SLC6A15: variants seen among roughly 807,000 people sequenced by gnomAD.
SLC6A15 encodes solute carrier family 6 member 15.
A neutral mutation model predicts 68.5 loss-of-function variants in SLC6A15; 33 were observed. The ratio of observed to expected loss-of-function variants is 0.48; its 90% confidence interval spans 0.37 to 0.64. SLC6A15 has a LOEUF of 0.64. SLC6A15 is among the 30% of genes least tolerant of loss of function. The pLI is 0.00. For synonymous variants in SLC6A15, 347 were observed against 301.0 expected (o/e 1.15, Z -1.58); for missense variants, 747 against 874.3 (o/e 0.85, Z 1.84).
At chr12:84,890,331 G>A (rs1301714615) in intron 2 of SLC6A15, among the ~76,000 whole-genome samples, 1 of 152,046 alleles carries the variant, frequency 6.6e-6, no homozygotes, top group Non-Finnish European at 1.5e-5. Flanking sequence ...GTACTAAATG[G>A]AAGTCAACCT....
At chr12:84,868,924 T>C (rs1871172371) in intron 9 of SLC6A15, among the ~76,000 whole-genome samples, 1 of 152,154 alleles carries the variant, frequency 6.6e-6, no homozygotes. Flanking sequence ...TCAGGCAGGA[T>C]ATGGATTTTC....
intron 5 of SLC6A15, chr12:84,882,395 G>C (rs1565726087): frequency 1.0e-6 from 1 of 973,988 alleles, no homozygotes; most frequent in East Asian, 1.1e-4. Context: ...AAGATATTTA[G>C]ATGTGTTAAC....
rs534377256 is a variant in SLC6A15, at chr12:84,889,497, A to AAAAAAT, written c.289+2329_289+2334dup. Among the ~76,000 whole-genome samples the AAAAAAT allele has an allele frequency of 6.7e-3, 982 of 146,944 alleles. 12 individuals are homozygous for AAAAAAT. The highest frequency in any genetic ancestry group is 0.045 in the East Asian group (228 of 5,062). On this transcript the variant is annotated intron_variant, in intron 2 of 11. Transcript: ENST00000266682. ...CAAAAGAGCAAGACTCGGTCTCAGA[A>AAAAAAT]AAAAATAAAAATAAAAATAAAAATA...
At chr12:84,867,465 C>T (rs1346011170) in intron 9 of SLC6A15, 2 of 212,158 alleles carry the variant, frequency 9.4e-6, no homozygotes. Context: ...ATAAATGAGT[C>T]AAAGTTTAGA....
rs1437933218 is a variant in SLC6A15 at position 84,912,510 on chromosome 12, C to G, written c.-189+13G>C. The G allele has an allele frequency of 6.6e-6, 1 of 152,464 alleles. No individual in the cohort carries two copies. Among genetic ancestry groups the G allele is most frequent in the African/African-American group, 2.4e-5 (1 of 41,450 alleles). 9.4% of individuals were successfully genotyped at this position (152,464 alleles called of 1,614,324 possible). ...CCCCCAGTTGTGCCCTTAGCGTAGG[C>G]GCTTGCCATTACCGTCAGTGTGTCT... is the stretch of plus-strand genomic sequence containing the variant. On this transcript the variant is annotated intron_variant, in intron 1 of 11. Coordinates refer to ENST00000266682, the MANE Select transcript of SLC6A15 (RefSeq NM_182767.6).
In SLC6A15 at chr12:84,860,792, A is replaced by G. The variant is rs1009920981; in HGVS notation, c.*840T>C. ...AAATGCCATCTTGCTTCAAGTTTTC[A>G]AATTAGTACTTTAAGTACTTAAATG... is the stretch of plus-strand genomic sequence containing the variant. On this transcript the variant is annotated 3_prime_UTR_variant, in exon 12 of 12. Transcript: ENST00000266682. 5 of 152,200 alleles carry G rather than the reference A, an allele frequency of 3.3e-5. No individual in the cohort carries two copies. The highest frequency in any genetic ancestry group is 5.9e-5 in the Non-Finnish European group (4 of 68,018). 9.4% of individuals were successfully genotyped at this position (152,200 alleles called of 1,614,324 possible). A position where few individuals can be genotyped will look rare whatever the true frequency, so the allele number is the denominator to read the frequency against.
At position 84,892,141 on chromosome 12, in the gene SLC6A15, TAAAAAAAAA is replaced by T. The variant is rs5799712; in HGVS notation, c.-30_-22del. The stretch of plus-strand genomic sequence containing the variant: ...GGCATTGGAGAGTATGCGAAGTATT[TAAAAAAAAA>T]AAAAAAAACTCCCTTATGGCAAATG... On this transcript the variant is annotated 5_prime_UTR_variant, in exon 2 of 12. Coordinates refer to ENST00000266682, the MANE Select transcript of SLC6A15 (RefSeq NM_182767.6). The T allele has an allele frequency of 7.4e-7, 1 of 1,342,742 alleles. No individual in the cohort carries two copies. The highest frequency in any genetic ancestry group is 9.9e-7 in the Non-Finnish European group (1 of 1,008,170). 83.2% of individuals were successfully genotyped at this position (1,342,742 alleles called of 1,614,324 possible). A position where few individuals can be genotyped will look rare whatever the true frequency, so the allele number is the denominator to read the frequency against.
intron 5 of SLC6A15, chr12:84,882,202 G>T: frequency 1.0e-6 from 1 of 985,314 alleles, no homozygotes; most frequent in African/African-American, 1.7e-5. Context: ...ACCACAGTTG[G>T]TTTTCTTTCT....
At chr12:84,869,464 C>CAAAA (rs34160834) in intron 9 of SLC6A15, among the ~76,000 whole-genome samples, 102 of 63,038 alleles carry the variant, frequency 1.6e-3, no homozygotes, top group Non-Finnish European at 2.1e-3. Flanking sequence ...GACTCCGTCT[C>CAAAA]AAAAAAAAAA....
chr12:84,878,297 T>G (rs1302752290), intron 5 of SLC6A15, among the ~76,000 whole-genome samples: 2 of 152,208 alleles, frequency 1.3e-5, no homozygotes, highest in African/African-American at 4.8e-5. Context: ...CACTCAAATT[T>G]TTTGATTTTT....
intron 11 of SLC6A15, among the ~76,000 whole-genome samples, chr12:84,862,803 T>G (rs1264145096): frequency 2.6e-5 from 4 of 152,146 alleles, no homozygotes; most frequent in African/African-American, 9.7e-5. Context: ...ATTGATTGAT[T>G]GAGTGATTGA....
In SLC6A15 at chr12:84,860,433, T is replaced by A. The variant is rs1370462215; in HGVS notation, c.*1199A>T. The A allele has an allele frequency of 6.6e-6, 1 of 152,154 alleles. No homozygotes were observed. The highest frequency in any genetic ancestry group is 2.4e-5 in the African/African-American group (1 of 41,462). The allele number at this position is 152,154 out of a possible 1,614,324, so 9.4% of individuals were successfully genotyped here. A position where few individuals can be genotyped will look rare whatever the true frequency, so the allele number is the denominator to read the frequency against. On this transcript the variant is annotated 3_prime_UTR_variant, in exon 12 of 12. Transcript: ENST00000266682. ...ACATGGTTTCTTGGGAGGCTGTAAGTACTTTTTCAAGAATCATAAGACTAC... is the reference window on the plus strand; with the variant it reads ...ACATGGTTTCTTGGGAGGCTGTAAGAACTTTTTCAAGAATCATAAGACTAC...
intron 2 of SLC6A15, among the ~76,000 whole-genome samples, chr12:84,891,448 G>A (rs903019118): frequency 6.6e-6 from 1 of 152,170 alleles, no homozygotes; most frequent in Non-Finnish European, 1.5e-5. Flanking sequence ...ATCACGGAGA[G>A]AAAATTCTCT....
intron 1 of SLC6A15, among the ~76,000 whole-genome samples, chr12:84,909,430 G>T (rs575816684): frequency 6.6e-6 from 1 of 152,084 alleles, no homozygotes. Context: ...CACAGAAAAA[G>T]AGATGATCAT....
intron 5 of SLC6A15, among the ~76,000 whole-genome samples, chr12:84,878,276 G>T (rs1229380872): frequency 6.6e-6 from 1 of 152,134 alleles, no homozygotes; most frequent in East Asian, 1.9e-4. Flanking sequence ...TTAATCCTTT[G>T]ATTAATCCTT....
chr12:84,867,346 C>T (rs1050497238), intron 9 of SLC6A15, 153 bp from the exon 10 acceptor site: 1 of 494,614 alleles, frequency 2.0e-6, no homozygotes, highest in African/African-American at 2.0e-5. Context: ...GGCATATAAC[C>T]TATTAGGAAT....
chr12:84,860,392 A>G lies in SLC6A15; in HGVS notation c.*1240T>C, dbSNP rs570610113. The G allele has an allele frequency of 5.3e-5, 8 of 152,090 alleles. No homozygotes were observed. Among genetic ancestry groups the G allele is most frequent in the African/African-American group, 1.7e-4 (7 of 41,444 alleles). 9.4% of individuals were successfully genotyped at this position (152,090 alleles called of 1,614,324 possible). A position where few individuals can be genotyped will look rare whatever the true frequency, so the allele number is the denominator to read the frequency against. ...ACTTTGCAGACAATATTGAATCAGC[A>G]AGCAGTCAATTGTACACATGGTTTC... On this transcript the variant is annotated 3_prime_UTR_variant, in exon 12 of 12. Coordinates refer to ENST00000266682, the MANE Select transcript of SLC6A15 (RefSeq NM_182767.6).
chr12:84,885,982 G>T lies in SLC6A15; in HGVS notation c.376C>A (p.Arg126=). ...FLELSVGQRI[R]RGSIGVWNYI... is the part of the protein sequence containing the mutation. ...TTCCATACACCAATGCTGCCTCGCC[G>T]AATTCTTTGACCCACAGAGAGTTCC... Residue 126 remains arginine (R), a synonymous_variant, in exon 3 of 12, where the codon CGG becomes AGG. Transcript: ENST00000266682. 6.2e-7 allele frequency: 1 copy of T among 1,612,826 alleles called. No individual in the cohort carries two copies.
intron 1 of SLC6A15, among the ~76,000 whole-genome samples, chr12:84,892,608 C>T (rs890872179): frequency 5.3e-5 from 8 of 152,022 alleles, no homozygotes; most frequent in Non-Finnish European, 1.2e-4. Context: ...TTTCTTAATT[C>T]TTTATTTTTT....
Sources: gnomAD v4.1 joint callset for allele counts (sites outside exome capture counted in the v4.1 genomes callset) on GRCh38, gnomAD v4.1.1 for gene constraint, MANE v1.5 for transcripts, NCBI Gene and HGNC (gene_info 2026-07-23, HGNC 2026-07-21) for gene names.